SDK1: variants seen among roughly 807,000 people sequenced by gnomAD.
SDK1 encodes protein sidekick-1.
A neutral mutation model predicts 245.5 loss-of-function variants in SDK1; 157 were observed. The ratio of observed to expected loss-of-function variants is 0.64; its 90% CI spans 0.56 to 0.73. The LOEUF is 0.73. Among genes scored for constraint, SDK1 ranks in the 30% least tolerant of loss-of-function variants. SDK1 has a pLI of 0.00. For synonymous variants in SDK1, 1,647 were observed against 1,278.5 expected (o/e 1.29, Z -6.15); for missense variants, 3,583 against 3,002.3 (o/e 1.19, Z -4.52).
intron 1 of SDK1, among the ~76,000 whole-genome samples, chr7:3,445,611 C>T (rs1299504981): frequency 2.0e-5 from 3 of 152,128 alleles, no homozygotes; most frequent in African/African-American, 4.8e-5. Flanking sequence ...TAATTTAGTA[C>T]ACATCAAAAT....
At chr7:3,416,463 CTTTT>C (rs5881982) in intron 1 of SDK1, among the ~76,000 whole-genome samples, 14 of 132,358 alleles carry the variant, frequency 1.1e-4, no homozygotes, top group East Asian at 2.2e-4. Flanking sequence ...GGCTTTCGTT[CTTTT>C]TTTTTTTTTT....
chr7:3,548,516 C>T (rs966552878), intron 1 of SDK1, among the ~76,000 whole-genome samples: 3 of 152,006 alleles, frequency 2.0e-5, no homozygotes, highest in East Asian at 3.9e-4. Context: ...TATTTTTTGT[C>T]GTAAACAATG....
intron 4 of SDK1, among the ~76,000 whole-genome samples, chr7:3,709,290 G>C (rs966086500): frequency 6.6e-6 from 1 of 152,216 alleles, no homozygotes; most frequent in Non-Finnish European, 1.5e-5. Context: ...GGCTTGTAAG[G>C]TTTCTCCTGA....
At chr7:3,413,993 G>T (rs886957324) in intron 1 of SDK1, among the ~76,000 whole-genome samples, 1 of 152,100 alleles carries the variant, frequency 6.6e-6, no homozygotes, top group Non-Finnish European at 1.5e-5. Flanking sequence ...AAGATAACTT[G>T]GGCTGCTGAG....
intron 5 of SDK1, among the ~76,000 whole-genome samples, chr7:3,879,583 C>T (rs888179010): frequency 2.6e-5 from 4 of 152,214 alleles, no homozygotes; most frequent in Non-Finnish European, 5.9e-5. Context: ...CAGCCAGCCA[C>T]GCTCCCGGTA....
At chr7:3,378,550 G>C (rs1456470409) in intron 1 of SDK1, among the ~76,000 whole-genome samples, 1 of 152,116 alleles carries the variant, frequency 6.6e-6, no homozygotes, top group Non-Finnish European at 1.5e-5. Context: ...CAGGGATTTG[G>C]ATCCAGGCTG....
chr7:3,502,403 C>A (rs1451348880), intron 1 of SDK1, among the ~76,000 whole-genome samples: 1 of 152,062 alleles, frequency 6.6e-6, no homozygotes, highest in Non-Finnish European at 1.5e-5. Context: ...GTGCCTACCA[C>A]CATGCCTGGC....
chr7:3,776,622 A>T (rs936809717), intron 4 of SDK1, among the ~76,000 whole-genome samples: 1 of 152,134 alleles, frequency 6.6e-6, no homozygotes. Flanking sequence ...TTAAGCTGTC[A>T]CTCTGGATGA....
chr7:4,007,867 G>T (rs1270006282), intron 14 of SDK1, among the ~76,000 whole-genome samples: 1 of 152,126 alleles, frequency 6.6e-6, no homozygotes, highest in Non-Finnish European at 1.5e-5. Flanking sequence ...GCCTCCAAAA[G>T]TGCAGGGATT....
chr7:3,615,682 C>G (rs1222274254), intron 1 of SDK1, among the ~76,000 whole-genome samples: 3 of 151,212 alleles, frequency 2.0e-5, no homozygotes, highest in Non-Finnish European at 3.0e-5. Context: ...TGACATCTCC[C>G]TCTCCCTCAC....
At chr7:3,842,289 C>A (rs1052707388) in intron 5 of SDK1, among the ~76,000 whole-genome samples, 2 of 152,188 alleles carry the variant, frequency 1.3e-5, no homozygotes, top group Non-Finnish European at 2.9e-5. Context: ...GTGTTAGAGT[C>A]CTGCATCCCG....
intron 14 of SDK1, among the ~76,000 whole-genome samples, chr7:3,990,643 G>A (rs1293893801): frequency 6.6e-6 from 1 of 152,152 alleles, no homozygotes; most frequent in Non-Finnish European, 1.5e-5. Flanking sequence ...AGGCGCTGTC[G>A]CCTCGGGCTT....
At chr7:3,351,883 C>A (rs963317611) in intron 1 of SDK1, among the ~76,000 whole-genome samples, 3 of 151,936 alleles carry the variant, frequency 2.0e-5, no homozygotes, top group African/African-American at 7.3e-5. Flanking sequence ...ATGAACAAAT[C>A]TGACCTCATG....
chr7:4,104,116 G>T (rs1268005903), intron 22 of SDK1, among the ~76,000 whole-genome samples: 1 of 152,254 alleles, frequency 6.6e-6, no homozygotes, highest in African/African-American at 2.4e-5. Context: ...CTGGAGTGCA[G>T]TTGCATAATC....
intron 4 of SDK1, among the ~76,000 whole-genome samples, chr7:3,765,870 C>G (rs993764995): frequency 3.9e-5 from 6 of 152,190 alleles, no homozygotes; most frequent in African/African-American, 1.4e-4. Context: ...TGTTAAAAAG[C>G]AAGGGAATAT....
At chr7:4,168,850 T>C (rs1168138363) in intron 32 of SDK1, among the ~76,000 whole-genome samples, 1 of 152,076 alleles carries the variant, frequency 6.6e-6, no homozygotes, top group African/African-American at 2.4e-5. Context: ...TGATAGTCAG[T>C]CCAGAGCCCA....
intron 1 of SDK1, among the ~76,000 whole-genome samples, chr7:3,316,700 C>T (rs1779671087): frequency 6.6e-6 from 1 of 152,164 alleles, no homozygotes; most frequent in Non-Finnish European, 1.5e-5. Flanking sequence ...GCCATGTCAT[C>T]TCTTGGCCCT....
chr7:3,740,221 T>C (rs1779439740), intron 4 of SDK1, among the ~76,000 whole-genome samples: 1 of 152,178 alleles, frequency 6.6e-6, no homozygotes. Flanking sequence ...TATGTCAGTC[T>C]GTCATGCCAG....
At chr7:4,018,834 C>T (rs1168127849) in intron 17 of SDK1, among the ~76,000 whole-genome samples, 1 of 152,000 alleles carries the variant, frequency 6.6e-6, no homozygotes, top group African/African-American at 2.4e-5. Flanking sequence ...GGAATCTGTG[C>T]GTGGGTGTGC....
Sources: allele counts gnomAD v4.1 joint callset (sites outside exome capture counted in the v4.1 genomes callset), GRCh38; gene constraint gnomAD v4.1.1; transcripts MANE v1.5; gene names NCBI Gene and HGNC (gene_info 2026-07-23, HGNC 2026-07-21).